Variants in NELL2 observed in about 807,000 individuals in gnomAD.
NELL2 encodes neural EGFL like 2.
NELL2 carries 41 observed loss-of-function variants against 109.6 expected under a neutral mutation model. The ratio of observed to expected loss-of-function variants is 0.37; its 90% CI spans 0.29 to 0.49. The LOEUF is 0.49. NELL2 is among the 20% of genes least tolerant of loss of function. NELL2 has a pLI of 0.98. For missense variants in NELL2, 900 were observed against 1,008.3 expected (o/e 0.89, Z 1.45); for synonymous variants, 355 against 344.7 (o/e 1.03, Z -0.33).
intron 13 of NELL2, among the ~76,000 whole-genome samples, chr12:44,627,794 G>C (rs1946318611): frequency 6.6e-6 from 1 of 152,122 alleles, no homozygotes; most frequent in Non-Finnish European, 1.5e-5. Context: ...TCCAACTTAT[G>C]GAAAAGTAGT....
intron 1 of NELL2, among the ~76,000 whole-genome samples, chr12:44,919,490 C>T (rs268037): frequency 0.018 from 2,809 of 152,222 alleles, 102 homozygotes; most frequent in African/African-American, 0.064. Context: ...AATAAGGTTT[C>T]TGCAGACGCT....
At chr12:44,739,210 C>CGT (rs1001184124) in intron 9 of NELL2, among the ~76,000 whole-genome samples, 4 of 152,090 alleles carry the variant, frequency 2.6e-5, no homozygotes, top group African/African-American at 9.6e-5. Context: ...TGCAATAATT[C>CGT]GTGTGTGTGT....
At chr12:44,875,736 CG>C in intron 1 of NELL2, 78 bp downstream of exon 1, 1 of 1,610,038 alleles carries the variant, frequency 6.2e-7, no homozygotes, top group Non-Finnish European at 8.5e-7. Flanking sequence ...CCGGGAAAAG[CG>C]AGGCTTCCCC....
chr12:44,866,799 T>A (rs58724768), intron 2 of NELL2, among the ~76,000 whole-genome samples: 7,172 of 152,088 alleles, frequency 0.047, 292 homozygotes, highest in East Asian at 0.23. Context: ...GAGACATTAT[T>A]ACTGATACCA....
At chr12:44,634,423 T>C (rs547623883) in intron 13 of NELL2, among the ~76,000 whole-genome samples, 93 of 152,132 alleles carry the variant, frequency 6.1e-4, no homozygotes, top group South Asian at 1.7e-3. Flanking sequence ...ACATGTGGTG[T>C]TTGGTTTTCT....
intron 10 of NELL2, among the ~76,000 whole-genome samples, chr12:44,713,225 C>CAGAGAG (rs920267469): frequency 7.8e-6 from 1 of 127,460 alleles, no homozygotes; most frequent in East Asian, 2.1e-4. Context: ...CAGAGAGAGA[C>CAGAGAG]AGAGAGAGAG....
intron 9 of NELL2, among the ~76,000 whole-genome samples, chr12:44,768,676 T>G (rs988430911): frequency 1.3e-5 from 2 of 152,216 alleles, no homozygotes; most frequent in African/African-American, 4.8e-5. Context: ...CCTTATTCAC[T>G]ACAGACTTTC....
rs770749538 is a variant in NELL2, at chr12:44,522,074, G to C, written c.2101C>G (p.Leu701Val). 2 of 1,613,970 alleles carry C rather than the reference G, an allele frequency of 1.2e-6. No homozygotes were observed. Among genetic ancestry groups the C allele is most frequent in the Non-Finnish European group, 1.7e-6 (2 of 1,180,008 alleles). Residue 701 changes from leucine (L) to valine (V), a missense_variant, in exon 18 of 20, where the codon CTC becomes GTC. This residue lies in a region of NELL2 where 333 missense variants were observed against 432.3 expected (regional missense o/e 0.77). Transcript: ENST00000429094. ...TACAAAGTTTCCCCATTTTGATGGA[G>C]GCACTGACTACTAAGCCTTGGGTCA... The part of the protein sequence containing the change: ...ECDPRLSSQC[L>V]HQNGETLYNS...
chr12:44,724,872 A>G (rs1938989934), intron 9 of NELL2, among the ~76,000 whole-genome samples: 1 of 151,926 alleles, frequency 6.6e-6, no homozygotes. Context: ...AAACTATACT[A>G]CAAGTCTACC....
chr12:44,603,494 T>C (rs1311570283), intron 15 of NELL2, among the ~76,000 whole-genome samples: 1 of 152,164 alleles, frequency 6.6e-6, no homozygotes, highest in Non-Finnish European at 1.5e-5. Context: ...AATATGGCAG[T>C]GATAAAGCTG....
At chr12:44,882,937 C>G (rs979114242) in intron 1 of NELL2, among the ~76,000 whole-genome samples, 1 of 141,686 alleles carries the variant, frequency 7.1e-6, no homozygotes, top group African/African-American at 2.7e-5. Context: ...GCCTCCTGGG[C>G]TTAAGCAATT....
At chr12:44,916,787 A>G (rs1467993069), upstream of NELL2, among the ~76,000 whole-genome samples, 1 of 152,204 alleles carries the variant, frequency 6.6e-6, no homozygotes. Context: ...TAGACTCACA[A>G]GGTCAGAAAA....
At chr12:44,711,637 T>C (rs1938209321) in intron 10 of NELL2, among the ~76,000 whole-genome samples, 1 of 152,080 alleles carries the variant, frequency 6.6e-6, no homozygotes, top group East Asian at 1.9e-4. Flanking sequence ...GCCATGTCTA[T>C]AATTTGCCAA....
intron 13 of NELL2, among the ~76,000 whole-genome samples, chr12:44,651,765 TG>T (rs1947306698): frequency 6.6e-6 from 1 of 152,096 alleles, no homozygotes; most frequent in African/African-American, 2.4e-5. Context: ...CTCCAATTTG[TG>T]GGTCAGACAG....
intron 1 of NELL2, among the ~76,000 whole-genome samples, chr12:44,896,652 T>C (rs1945596287): frequency 6.6e-6 from 1 of 152,258 alleles, no homozygotes; most frequent in South Asian, 2.1e-4. Flanking sequence ...ATGTACTAGA[T>C]GAGCACAAGA....
chr12:44,834,906 C>A (rs1211089709), intron 2 of NELL2, among the ~76,000 whole-genome samples: 5 of 152,068 alleles, frequency 3.3e-5, no homozygotes, highest in African/African-American at 9.7e-5. Flanking sequence ...CAGGAGAAGG[C>A]TTTCTGTGCC....
At position 44,876,101 on chromosome 12, in the gene NELL2, G is replaced by T. The variant is rs1476563674; in HGVS notation, c.-232C>A. On this transcript the variant is annotated 5_prime_UTR_variant, in exon 1 of 20. Coordinates refer to ENST00000429094, the MANE Select transcript of NELL2 (RefSeq NM_001145108.2). ...GCACATCATTCCCACACGCAGGGCC[G>T]AGGCGGCAGCGCGGCCCGGAGGGGG... 5 of 1,337,120 alleles carry T rather than the reference G, an allele frequency of 3.7e-6. No individual in the cohort carries two copies. The highest frequency in any genetic ancestry group is 4.8e-6 in the Non-Finnish European group (5 of 1,045,058). The allele number at this position is 1,337,120 out of a possible 1,614,324, so 82.8% of individuals were successfully genotyped here. A position where few individuals can be genotyped will look rare whatever the true frequency, so the allele number is the denominator to read the frequency against.
intron 9 of NELL2, among the ~76,000 whole-genome samples, chr12:44,742,528 C>T (rs1246955004): frequency 6.6e-6 from 1 of 152,104 alleles, no homozygotes; most frequent in East Asian, 1.9e-4. Flanking sequence ...GGAGGAAATT[C>T]GAACCAATGG....
intron 1 of NELL2, among the ~76,000 whole-genome samples, chr12:44,905,777 G>C (rs1844885150): frequency 4.0e-5 from 6 of 151,522 alleles, no homozygotes; most frequent in Admixed American, 3.9e-4. Context: ...CCTTTGGTCT[G>C]AATCCTATAC....
Sources: gnomAD v4.1 joint callset for allele counts (sites outside exome capture counted in the v4.1 genomes callset) on GRCh38, gnomAD v4.1.1 for gene constraint, gnomAD v4.1.1 regional missense constraint, MANE v1.5 for transcripts, NCBI Gene and HGNC (gene_info 2026-07-23, HGNC 2026-07-21) for gene names.